Variants in TSPEAR observed in about 807,000 individuals in gnomAD.
TSPEAR encodes thrombospondin-type laminin G domain and EAR repeat-containing protein.
In TSPEAR, 69 loss-of-function variants were observed where a neutral mutation model predicts 71.6. The observed-to-expected ratio is 0.96, with a 90% confidence interval of 0.79 to 1.18. The LOEUF (loss-of-function observed/expected upper bound fraction) is 1.18, where lower values mean the gene tolerates loss of function less well. TSPEAR is among the 50% of genes most tolerant of loss of function. TSPEAR has a pLI of 0.00. For missense variants in TSPEAR, 971 were observed against 894.9 expected (o/e 1.09, Z -1.09); for synonymous variants, 402 against 387.2 (o/e 1.04, Z -0.45).
At chr21:44,640,072 A>G (rs1555938225) in intron 1 of TSPEAR, among the ~76,000 whole-genome samples, 1 of 152,234 alleles carries the variant, frequency 6.6e-6, no homozygotes, top group Non-Finnish European at 1.5e-5. Context: ...ACGTCCACAC[A>G]CAGATTTCTG....
intron 1 of TSPEAR, among the ~76,000 whole-genome samples, chr21:44,582,289 C>G (rs782587469): frequency 1.3e-5 from 2 of 152,188 alleles, no homozygotes; most frequent in Non-Finnish European, 2.9e-5. Context: ...AGCTGGCCGG[C>G]AGTGAACCTG....
chr21:44,558,028 C>A, intron 2 of TSPEAR: 1 of 1,587,000 alleles, frequency 6.3e-7, no homozygotes, highest in Non-Finnish European at 8.6e-7. Flanking sequence ...TGGAACAACT[C>A]TGGAGAAACG....
Position 44,513,846 on chromosome 21 carries a change from T to TG in TSPEAR, c.1567-4461dup, listed in dbSNP as rs587661201. ...AGGCAGTTCCCCAACAAGCCCTGGT[T>TG]GGGGGGGCAGTGGCATCCTCTCTGA... On this transcript the variant is annotated intron_variant, in intron 9 of 11. Transcript: ENST00000323084. 4.6e-3 allele frequency among the ~76,000 whole-genome samples: 700 copies of TG among 152,078 alleles called. 12 individuals are homozygous for TG. Among genetic ancestry groups the TG allele is most frequent in the African/African-American group, 0.015 (642 of 41,494 alleles).
At chr21:44,701,655 G>A (rs1198927819) in intron 1 of TSPEAR, among the ~76,000 whole-genome samples, 1 of 152,162 alleles carries the variant, frequency 6.6e-6, no homozygotes, top group Non-Finnish European at 1.5e-5. Flanking sequence ...AGTTCACAGC[G>A]GGGTTCGTGG....
chr21:44,513,595 A>T (rs967088965), intron 9 of TSPEAR, among the ~76,000 whole-genome samples: 2 of 152,032 alleles, frequency 1.3e-5, no homozygotes, highest in Admixed American at 1.3e-4. Context: ...TCTTGCTGGG[A>T]TGATGGTGCT....
At chr21:44,678,079 C>T (rs17004690) in intron 1 of TSPEAR, 121,201 of 671,982 alleles carry the variant, frequency 0.18, 12,265 homozygotes, top group South Asian at 0.27. Flanking sequence ...CTGACAGGCC[C>T]GCAGTATCTG....
At chr21:44,662,821 C>T (rs1190315762) in intron 1 of TSPEAR, among the ~76,000 whole-genome samples, 2 of 152,026 alleles carry the variant, frequency 1.3e-5, no homozygotes, top group African/African-American at 4.8e-5. Context: ...TAGCGAGAAA[C>T]ACCCTGCAGA....
At chr21:44,594,345 G>A (rs376966938) in intron 1 of TSPEAR, among the ~76,000 whole-genome samples, 30 of 152,218 alleles carry the variant, frequency 2.0e-4, no homozygotes, top group Middle Eastern at 3.2e-3. Flanking sequence ...CTTAGGTGAC[G>A]TCCAGGAAGC....
chr21:44,500,281 T>TCAAC (rs2052005462), intron 11 of TSPEAR, among the ~76,000 whole-genome samples: 1 of 152,094 alleles, frequency 6.6e-6, no homozygotes, highest in African/African-American at 2.4e-5. Flanking sequence ...AGGGCCCCCC[T>TCAAC]CAAACACACG....
At chr21:44,507,520 T>A (rs996779627) in intron 10 of TSPEAR, among the ~76,000 whole-genome samples, 1 of 152,248 alleles carries the variant, frequency 6.6e-6, no homozygotes, top group South Asian at 2.1e-4. Flanking sequence ...AACATTACCT[T>A]AATTAATTGG....
intron 1 of TSPEAR, among the ~76,000 whole-genome samples, chr21:44,600,127 C>T (rs1555928240): frequency 6.6e-6 from 1 of 152,100 alleles, no homozygotes; most frequent in Admixed American, 6.5e-5. Flanking sequence ...GGAGTCACTT[C>T]TAGGAATGTT....
intron 2 of TSPEAR, among the ~76,000 whole-genome samples, chr21:44,535,919 A>AGAAAAG (rs1555916334): frequency 1.2e-4 from 10 of 86,202 alleles, no homozygotes; most frequent in African/African-American, 5.9e-4. Flanking sequence ...AGGAAAAAAG[A>AGAAAAG]AAAAAAAAAA....
intron 1 of TSPEAR, among the ~76,000 whole-genome samples, chr21:44,570,871 C>T (rs1032424912): frequency 2.8e-4 from 43 of 152,174 alleles, no homozygotes; most frequent in East Asian, 3.8e-4. Context: ...AACAACACCA[C>T]GTGTTGTTTA....
chr21:44,700,147 CAT>C, intron 1 of TSPEAR, among the ~76,000 whole-genome samples: 1 of 152,276 alleles, frequency 6.6e-6, no homozygotes, highest in African/African-American at 2.4e-5. Context: ...TGGAAGAAAG[CAT>C]GTTCTTTGTC....
At chr21:44,500,029 G>T in intron 11 of TSPEAR, 93 bp from the exon 12 acceptor site, 2 of 1,339,682 alleles carry the variant, frequency 1.5e-6, no homozygotes, top group Non-Finnish European at 2.0e-6. Flanking sequence ...GGACCCAGCA[G>T]CTCTGGGTCA....
intron 1 of TSPEAR, among the ~76,000 whole-genome samples, chr21:44,616,691 G>T (rs1222860245): frequency 6.6e-6 from 1 of 152,244 alleles, no homozygotes; most frequent in African/African-American, 2.4e-5. Flanking sequence ...GCTCAGCAGT[G>T]AGAATGAGAC....
At chr21:44,521,008 G>A (rs1555914179) in intron 9 of TSPEAR, among the ~76,000 whole-genome samples, 1 of 152,198 alleles carries the variant, frequency 6.6e-6, no homozygotes, top group Non-Finnish European at 1.5e-5. Flanking sequence ...AGAGTGGCCT[G>A]GGTTAGTCTC....
intron 9 of TSPEAR, chr21:44,518,801 C>A: frequency 2.3e-6 from 1 of 429,700 alleles, no homozygotes; most frequent in South Asian, 1.7e-5. Flanking sequence ...TCTGGCAAAG[C>A]TCCTCAAACA....
At chr21:44,627,061 G>A in intron 1 of TSPEAR, 4 of 1,495,720 alleles carry the variant, frequency 2.7e-6, no homozygotes, top group African/African-American at 2.8e-5. Context: ...AGGCCAGGAG[G>A]GGTATAAAAG....
Sources: allele counts gnomAD v4.1 joint callset (sites outside exome capture counted in the v4.1 genomes callset), GRCh38; gene constraint gnomAD v4.1.1; transcripts MANE v1.5; gene names NCBI Gene and HGNC (gene_info 2026-07-23, HGNC 2026-07-21).